Variants in MPP4 observed in about 807,000 individuals in gnomAD.
MPP4 encodes MAGUK p55 subfamily member 4.
A neutral mutation model predicts 98.3 loss-of-function variants in MPP4; 91 were observed. That is an observed-to-expected ratio of 0.93 (90% CI 0.78 to 1.10). MPP4 has a LOEUF of 1.10. Ranked by LOEUF, MPP4 falls within the 50% of genes least tolerant of loss-of-function variation. The probability of loss-of-function intolerance (pLI) is 0.00; values close to 1 mark genes in which losing one functional copy is unlikely to be tolerated. For missense variants in MPP4, 744 were observed against 792.9 expected, an observed-to-expected ratio of 0.94 and a Z score of 0.74; for synonymous variants, 261 against 271.8, an observed-to-expected ratio of 0.96 and a Z score of 0.39.
intron 1 of MPP4, among the ~76,000 whole-genome samples, chr2:201,696,236 T>C (rs1171530888): frequency 6.6e-6 from 1 of 152,230 alleles, no homozygotes; most frequent in Non-Finnish European, 1.5e-5. Flanking sequence ...TCACCTACCT[T>C]GCCCACTTGT....
At chr2:201,690,639 G>C (rs879442249) in intron 3 of MPP4, among the ~76,000 whole-genome samples, 2 of 152,196 alleles carry the variant, frequency 1.3e-5, no homozygotes, top group Non-Finnish European at 2.9e-5. Context: ...GCGTCTTAAA[G>C]GAGGGGCCCT....
At chr2:201,664,155 A>G in intron 13 of MPP4, 54 bp from the exon 14 acceptor site, 1 of 1,520,672 alleles carries the variant, frequency 6.6e-7, no homozygotes, top group South Asian at 1.2e-5. Context: ...GACCATCTAC[A>G]CTGAGTCTAT....
intron 13 of MPP4, among the ~76,000 whole-genome samples, chr2:201,664,646 A>G (rs565231425): frequency 1.3e-5 from 2 of 152,230 alleles, no homozygotes; most frequent in Admixed American, 1.3e-4. Context: ...AGCATTTTAA[A>G]GAGAGATTAA....
At position 201,681,096 on chromosome 2, in the gene MPP4, T is replaced by C. The variant is rs1247743885; in HGVS notation, c.733-62A>G. 5.4e-5 allele frequency: 82 copies of C among 1,527,706 alleles called. 1 individual carries two copies. In the Admixed American group the frequency reaches 1.4e-3, roughly 26 times the overall value. 94.6% of individuals were successfully genotyped at this position (1,527,706 alleles called of 1,614,324 possible). On this transcript the variant is annotated intron_variant, in intron 9 of 21. Transcript: ENST00000409474. Reference sequence around the variant, plus strand: ...CCTAATGGTGCCATCCGAAGAACCCTTGCCCATGGGCCATCATGACTTAAA... The same window carrying C: ...CCTAATGGTGCCATCCGAAGAACCCCTGCCCATGGGCCATCATGACTTAAA...
intron 4 of MPP4, among the ~76,000 whole-genome samples, chr2:201,689,997 G>A (rs575284818): frequency 2.6e-5 from 4 of 152,188 alleles, no homozygotes; most frequent in African/African-American, 4.8e-5. Flanking sequence ...TAAAAATGAC[G>A]TGGGTGGTGG....
intron 18 of MPP4, chr2:201,651,238 G>C: frequency 7.1e-6 from 7 of 985,402 alleles, no homozygotes; most frequent in Non-Finnish European, 8.4e-6. Context: ...AATTATCAAA[G>C]GAGTTACCAA....
chr2:201,688,669 A>G (rs1455234919), intron 4 of MPP4, among the ~76,000 whole-genome samples: 1 of 152,140 alleles, frequency 6.6e-6, no homozygotes, highest in African/African-American at 2.4e-5. Flanking sequence ...GTTGGAGTGC[A>G]GTGGTGTGAT....
intron 18 of MPP4, chr2:201,650,391 C>A: frequency 1.0e-6 from 1 of 985,376 alleles, no homozygotes; most frequent in Middle Eastern, 5.2e-4. Flanking sequence ...AAAGAATGCA[C>A]TAGGTATTAA....
At chr2:201,662,243 A>G (rs1209251821) in intron 14 of MPP4, among the ~76,000 whole-genome samples, 1 of 149,866 alleles carries the variant, frequency 6.7e-6, no homozygotes, top group East Asian at 1.9e-4. Context: ...TTTAAAATAT[A>G]TATATATTTT....
Position 201,685,947 on chromosome 2 carries a change from A to G in MPP4, c.464T>C (p.Val155Ala). 1 of 1,612,390 alleles carries G rather than the reference A, an allele frequency of 6.2e-7. No homozygotes were observed. Among genetic ancestry groups the G allele is most frequent in the Non-Finnish European group, 8.5e-7 (1 of 1,178,628 alleles). Reference sequence around the variant, plus strand: ...GGGCTGTTGGTTTTTCACTAAACAAACAATCCTCATTGCTTCCTCACTCTC... The same window carrying G: ...GGGCTGTTGGTTTTTCACTAAACAAGCAATCCTCATTGCTTCCTCACTCTC... The part of the protein sequence containing the change: ...IPESEEAMRI[V>A]CLVKNQQPLG... Residue 155 changes from valine to alanine, a missense_variant, in exon 6 of 22, where the codon GTT becomes GCT. Val to Ala is a moderately conservative substitution (Grantham distance 64). Coordinates refer to ENST00000409474, the MANE Select transcript of MPP4 (RefSeq NM_033066.3).
intron 2 of MPP4, 28 bp from the exon 3 acceptor site, chr2:201,693,057 G>A (rs771394973): frequency 1.2e-6 from 2 of 1,602,172 alleles, no homozygotes; most frequent in East Asian, 2.2e-5. Flanking sequence ...CAGAGATGGG[G>A]TGGCAGGTGC....
chr2:201,685,945 A>C lies in MPP4; in HGVS notation c.466T>G (p.Cys156Gly), dbSNP rs745328194. The C allele has an allele frequency of 6.2e-7, 1 of 1,612,394 alleles. No homozygotes were observed. Among genetic ancestry groups the C allele is most frequent in the South Asian group, 1.1e-5 (1 of 91,052 alleles). The change falls in exon 6 of 22, where the codon TGT becomes GGT. Residue 156 changes from cysteine (C) to glycine (G), a missense_variant. Cys to Gly is a radical substitution (Grantham distance 159, BLOSUM62 -3). Transcript: ENST00000409474. ...AGGGGCTGTTGGTTTTTCACTAAACAAACAATCCTCATTGCTTCCTCACTC... is the reference window on the plus strand; with the variant it reads ...AGGGGCTGTTGGTTTTTCACTAAACCAACAATCCTCATTGCTTCCTCACTC... ...PESEEAMRIV[C>G]LVKNQQPLGA...
intron 9 of MPP4, among the ~76,000 whole-genome samples, chr2:201,681,277 A>AT (rs1688658923): frequency 6.6e-6 from 1 of 152,056 alleles, no homozygotes; most frequent in Admixed American, 6.5e-5. Flanking sequence ...AATGTTCATG[A>AT]TTTTTTATGT....
At chr2:201,645,582 A>C (rs763114632) in intron 21 of MPP4, among the ~76,000 whole-genome samples, 178 bp from the exon 22 acceptor site, 9 of 152,240 alleles carry the variant, frequency 5.9e-5, no homozygotes, top group Non-Finnish European at 1.0e-4. Context: ...AAATTCTACA[A>C]AACCAGCAAA....
intron 5 of MPP4, 37 bp from the exon 6 acceptor site, chr2:201,686,087 ACATGGGCCAAACCCC>A: frequency 6.2e-7 from 1 of 1,604,362 alleles, no homozygotes; most frequent in Non-Finnish European, 8.5e-7. Flanking sequence ...CAAATGTCAC[ACATGGGCCAAACCCC>A]TCTAGAAGAT....
chr2:201,685,940 TAAAC>T lies in MPP4; in HGVS notation c.467_470del (p.Cys156Ter), dbSNP rs1327325076. On this transcript the variant is annotated frameshift_variant, in exon 6 of 22. Coordinates refer to ENST00000409474, the MANE Select transcript of MPP4 (RefSeq NM_033066.3). LOFTEE classifies it high-confidence loss of function. ...TTACCAGGGGCTGTTGGTTTTTCAC[TAAAC>T]AAACAATCCTCATTGCTTCCTCACT... 1 of 1,612,136 alleles carries T rather than the reference TAAAC, an allele frequency of 6.2e-7. No homozygotes were observed.
chr2:201,685,594 A>G (rs372210519), intron 6 of MPP4, among the ~76,000 whole-genome samples: 35 of 152,248 alleles, frequency 2.3e-4, no homozygotes, highest in African/African-American at 8.2e-4. Context: ...GGCAAATGCA[A>G]TGGAATTGAG....
chr2:201,649,160 T>C (rs4675212), intron 20 of MPP4, among the ~76,000 whole-genome samples: 75,879 of 151,964 alleles, frequency 0.5, 19,078 homozygotes, highest in East Asian at 0.68. Context: ...TTGCATGCTG[T>C]TTATCTTACC....
chr2:201,686,434 C>T (rs1000305673), intron 5 of MPP4, among the ~76,000 whole-genome samples: 28 of 152,202 alleles, frequency 1.8e-4, no homozygotes, highest in African/African-American at 5.5e-4. Flanking sequence ...TAAGGTAGAA[C>T]GAAGGGCAGC....
Sources: allele counts gnomAD v4.1 joint callset (sites outside exome capture counted in the v4.1 genomes callset), GRCh38; gene constraint gnomAD v4.1.1; transcripts MANE v1.5; gene names NCBI Gene and HGNC (gene_info 2026-07-23, HGNC 2026-07-21).